The following PRDM12 variants were observed in gnomAD, a reference collection of about 807,000 sequenced individuals.
PRDM12 encodes the protein PR/SET domain 12.
A neutral mutation model predicts 29.6 loss-of-function variants in PRDM12; 17 were observed. That is an observed-to-expected ratio of 0.57 (90% CI 0.39 to 0.86). The LOEUF (loss-of-function observed/expected upper bound fraction) is 0.86, where lower values mean the gene tolerates loss of function less well. Ranked by LOEUF, PRDM12 falls within the 40% of genes least tolerant of loss-of-function variation. The pLI is 0.00. For missense variants in PRDM12, 422 were observed against 510.8 expected (o/e 0.83, Z 1.68); for synonymous variants, 231 against 225.8 (o/e 1.02, Z -0.21).
In PRDM12 at chr9:130,668,276, T is replaced by G; in HGVS notation, c.533T>G (p.Val178Gly). 6.2e-7 allele frequency: 1 copy of G among 1,614,030 alleles called. No homozygotes were observed. ...GAACAGGAGCAGAACCTGGAGGTGG[T>G]CCAGATCGGCACCAGCATCTTCTAC... The part of the protein sequence containing the change: ...RNEQEQNLEV[V>G]QIGTSIFYKA... The change falls in exon 3 of 5, where the codon GTC becomes GGC. Residue 178 changes from valine (V) to glycine (G), a missense_variant. By Grantham distance (109) the Val-to-Gly change is moderately radical (BLOSUM62 -3). Coordinates refer to ENST00000253008, the MANE Select transcript of PRDM12 (RefSeq NM_021619.3). The surrounding 1 kb of genome is among the most constrained non-coding windows in gnomAD (Gnocchi z 4.0).
At position 130,676,347 on chromosome 9, in the gene PRDM12, G is replaced by A. The variant is rs563866075; in HGVS notation, c.571-2182G>A. Reference sequence around the variant, plus strand: ...CTACTAAAAATACAAAAAATTAGCCGGGCGTGGGTGTGGTGGCGGGCACCT... The same window carrying A: ...CTACTAAAAATACAAAAAATTAGCCAGGCGTGGGTGTGGTGGCGGGCACCT... On this transcript the variant is annotated intron_variant, in intron 3 of 4. Transcript: ENST00000253008. 1.4e-4 allele frequency among the ~76,000 whole-genome samples: 21 copies of A among 152,030 alleles called. No homozygotes were observed. In the South Asian group the frequency reaches 2.5e-3, roughly 18 times the overall value.
intron 4 of PRDM12, among the ~76,000 whole-genome samples, chr9:130,680,655 A>ATTTTTTTTTTTTTTT (rs1247286672): frequency 3.5e-5 from 3 of 85,548 alleles, no homozygotes; most frequent in African/African-American, 2.2e-4. Flanking sequence ...ATATATATAT[A>ATTTTTTTTTTTTTTT]TATATTTTTT....
rs538862996 is a variant in PRDM12 at position 130,668,685 on chromosome 9, G to T, written c.570+372G>T. ...TGGGGAGAGGCGGCCCAGGGAATGC[G>T]TTGGGGTGGGAGAGAGGGCGTGTGT... is the stretch of plus-strand genomic sequence containing the variant. On this transcript the variant is annotated intron_variant, in intron 3 of 4. Coordinates refer to ENST00000253008, the MANE Select transcript of PRDM12 (RefSeq NM_021619.3). This position sits in a 1 kb window ranked among gnomAD's most constrained non-coding sequence, Gnocchi z 4.0. 6.6e-6 allele frequency among the ~76,000 whole-genome samples: 1 copy of T among 152,138 alleles called. No homozygotes were observed. Among genetic ancestry groups the T allele is most frequent in the East Asian group, 1.9e-4 (1 of 5,194 alleles).
At chr9:130,680,620 G>A (rs1234382410) in intron 4 of PRDM12, among the ~76,000 whole-genome samples, 1 of 77,390 alleles carries the variant, frequency 1.3e-5, no homozygotes, top group Non-Finnish European at 2.3e-5. Flanking sequence ...GGGAGACTCC[G>A]TCTAAAAAAA....
rs1411889333 is a variant in PRDM12 at position 130,664,895 on chromosome 9, G to A, written c.223+19G>A. On this transcript the variant is annotated intron_variant, in intron 1 of 4. Coordinates refer to ENST00000253008, the MANE Select transcript of PRDM12 (RefSeq NM_021619.3). This position sits in a 1 kb window ranked among gnomAD's most constrained non-coding sequence, Gnocchi z 6.4. ...TCCGGCGGTGAGTCCAGCCGTCGGA[G>A]CCCGGCGCAATCCCTCCTCCCGGCG... The A allele has an allele frequency of 6.6e-7, 1 of 1,512,136 alleles. No individual in the cohort carries two copies. Among genetic ancestry groups the A allele is most frequent in the Admixed American group, 2.0e-5 (1 of 49,640 alleles). The allele number at this position is 1,512,136 out of a possible 1,614,324, so 93.7% of individuals were successfully genotyped here. A position where few individuals can be genotyped will look rare whatever the true frequency, so the allele number is the denominator to read the frequency against.
intron 3 of PRDM12, among the ~76,000 whole-genome samples, chr9:130,671,208 G>A (rs1330733927): frequency 6.6e-6 from 1 of 152,080 alleles, no homozygotes; most frequent in East Asian, 1.9e-4. Context: ...AGCCAGTCAT[G>A]GTGGCGGGTG....
rs188404109 is a variant in PRDM12 at position 130,668,971 on chromosome 9, G to A, written c.570+658G>A. ...TGCCGGCCATCTGGGGGGAGTGTTA[G>A]CACTAATAGCTGCGCTTCCTGAGCC... On this transcript the variant is annotated intron_variant, in intron 3 of 4. Transcript: ENST00000253008. The surrounding 1 kb of genome is among the most constrained non-coding windows in gnomAD (Gnocchi z 4.0). 2.2e-3 allele frequency among the ~76,000 whole-genome samples: 330 copies of A among 152,280 alleles called. No individual in the cohort carries two copies. The highest frequency in any genetic ancestry group is 1.7e-3 in the Non-Finnish European group (115 of 68,014).
chr9:130,667,301 G>A (rs921165327), intron 2 of PRDM12, among the ~76,000 whole-genome samples: 3 of 152,202 alleles, frequency 2.0e-5, no homozygotes, highest in African/African-American at 7.2e-5. Flanking sequence ...GTCAGCTTCT[G>A]TGTCCCCAGC....
At chr9:130,673,276 C>CACAGT (rs1217807228) in intron 3 of PRDM12, among the ~76,000 whole-genome samples, 9 of 152,192 alleles carry the variant, frequency 5.9e-5, no homozygotes, top group African/African-American at 2.2e-4. Flanking sequence ...GGAGCCTCTG[C>CACAGT]ACAGTGATCC....
rs1466714255 is a variant in PRDM12, at chr9:130,682,498, G to C, written c.*829G>C. 1 of 152,298 alleles carries C rather than the reference G, an allele frequency of 6.6e-6. No homozygotes were observed. The allele number at this position is 152,298 out of a possible 1,614,324, so 9.4% of individuals were successfully genotyped here. ...CCCTCCCCTTCAGCTGTGACATCGT[G>C]CCTGGGAAGGCGAAATATACCCCCA... On this transcript the variant is annotated 3_prime_UTR_variant, in exon 5 of 5. Coordinates refer to ENST00000253008, the MANE Select transcript of PRDM12 (RefSeq NM_021619.3). The surrounding 1 kb of genome is among the most constrained non-coding windows in gnomAD (Gnocchi z 4.2).
At chr9:130,671,946 A>G (rs1281348052) in intron 3 of PRDM12, among the ~76,000 whole-genome samples, 1 of 152,256 alleles carries the variant, frequency 6.6e-6, no homozygotes, top group Non-Finnish European at 1.5e-5. Flanking sequence ...AAAACTTTCC[A>G]TAAATACAGA....
intron 3 of PRDM12, among the ~76,000 whole-genome samples, chr9:130,671,233 T>G (rs1830785905): frequency 6.6e-6 from 1 of 152,074 alleles, no homozygotes; most frequent in Non-Finnish European, 1.5e-5. Flanking sequence ...TAATCCCAGC[T>G]ACTCCAGAGG....
rs1453777191 is a variant in PRDM12, at chr9:130,681,783, C to G, written c.*114C>G. On this transcript the variant is annotated 3_prime_UTR_variant, in exon 5 of 5. Transcript: ENST00000253008. This position sits in a 1 kb window ranked among gnomAD's most constrained non-coding sequence, Gnocchi z 8.1. Reference sequence around the variant, plus strand: ...CCGGCCCGGCGCCGCCGCGGAGCCCCGCGCGCTGGGGTTGCGCCCCGGAGG... The same window carrying G: ...CCGGCCCGGCGCCGCCGCGGAGCCCGGCGCGCTGGGGTTGCGCCCCGGAGG... 13 of 922,450 alleles carry G rather than the reference C, an allele frequency of 1.4e-5. No individual in the cohort carries two copies. The highest frequency in any genetic ancestry group is 1.7e-5 in the Non-Finnish European group (13 of 772,922). The allele number at this position is 922,450 out of a possible 1,614,324, so 57.1% of individuals were successfully genotyped here. A position where few individuals can be genotyped will look rare whatever the true frequency, so the allele number is the denominator to read the frequency against.
At chr9:130,675,687 G>A (rs887265590) in intron 3 of PRDM12, among the ~76,000 whole-genome samples, 21 of 152,244 alleles carry the variant, frequency 1.4e-4, no homozygotes, top group Non-Finnish European at 2.8e-4. Context: ...GGCAATGTGA[G>A]GAAACAGGCC....
In PRDM12 at chr9:130,674,279, C is replaced by T. The variant is rs189349727; in HGVS notation, c.571-4250C>T. Among the ~76,000 whole-genome samples the T allele has an allele frequency of 8.3e-3, 1,257 of 152,114 alleles. 11 individuals carry two copies. The highest frequency in any genetic ancestry group is 0.021 in the South Asian group (101 of 4,824). ...CTGCCCACCTCGGCCCCCCAAAGTGCTGGGATTACAGGCGTGAGCCACTGC... is the reference window on the plus strand; with the variant it reads ...CTGCCCACCTCGGCCCCCCAAAGTGTTGGGATTACAGGCGTGAGCCACTGC... On this transcript the variant is annotated intron_variant, in intron 3 of 4. Coordinates refer to ENST00000253008, the MANE Select transcript of PRDM12 (RefSeq NM_021619.3).
At chr9:130,672,424 A>G (rs1830797094) in intron 3 of PRDM12, among the ~76,000 whole-genome samples, 1 of 152,138 alleles carries the variant, frequency 6.6e-6, no homozygotes, top group Non-Finnish European at 1.5e-5. Flanking sequence ...CCTGACCTCA[A>G]GCGATCTGCC....
chr9:130,680,654 TATA>T (rs1194742956), intron 4 of PRDM12, among the ~76,000 whole-genome samples: 16 of 86,522 alleles, frequency 1.8e-4, no homozygotes, highest in African/African-American at 6.9e-4. Context: ...TATATATATA[TATA>T]TATTTTTTTT....
chr9:130,670,082 C>T (rs971070463), intron 3 of PRDM12, among the ~76,000 whole-genome samples: 37 of 152,104 alleles, frequency 2.4e-4, no homozygotes, highest in African/African-American at 8.2e-4. Context: ...GAAATCTGGC[C>T]CAGGAGTAGA....
chr9:130,676,648 C>T (rs1177817988), intron 3 of PRDM12, among the ~76,000 whole-genome samples: 7 of 152,198 alleles, frequency 4.6e-5, no homozygotes, highest in Non-Finnish European at 7.3e-5. Flanking sequence ...CCAGGGATCT[C>T]GCTGTGGTGC....
Sources: allele counts gnomAD v4.1 joint callset (sites outside exome capture counted in the v4.1 genomes callset), GRCh38; gene constraint gnomAD v4.1.1; non-coding constraint Gnocchi (gnomAD v3.1); transcripts MANE v1.5; gene names NCBI Gene and HGNC (gene_info 2026-07-23, HGNC 2026-07-21).